The following VPS45 variants were observed in gnomAD, a reference collection of about 807,000 sequenced individuals.
VPS45 encodes the protein vacuolar protein sorting-associated protein 45.
In VPS45, 35 loss-of-function variants were observed where a neutral mutation model predicts 75.9. That is an observed-to-expected ratio of 0.46 (90% CI 0.35 to 0.61). The LOEUF (loss-of-function observed/expected upper bound fraction) is 0.61, where lower values mean the gene tolerates loss of function less well. Ranked by LOEUF, VPS45 falls within the 20% of genes least tolerant of loss-of-function variation. VPS45 has a pLI of 0.00. For synonymous variants in VPS45, 220 were observed against 238.2 expected (o/e 0.92, Z 0.70); for missense variants, 559 against 685.9 (o/e 0.81, Z 2.07).
rs184466683 is a variant in VPS45 at position 150,073,211 on chromosome 1, T to C, written c.289+985T>C. 1.1e-4 allele frequency among the ~76,000 whole-genome samples: 16 copies of C among 152,302 alleles called. No individual in the cohort carries two copies. In the East Asian group the frequency reaches 2.5e-3, roughly 24 times the overall value. On this transcript the variant is annotated intron_variant, in intron 3 of 14. Coordinates refer to ENST00000644510, the MANE Select transcript of VPS45 (RefSeq NM_007259.5). ...GTTAATAGTGTTAGTGTAGTCTATT[T>C]GGTAACATTTCCAAAACCAAGGACT...
chr1:150,113,772 T>A (rs1209539252), intron 14 of VPS45, among the ~76,000 whole-genome samples: 5 of 151,928 alleles, frequency 3.3e-5, no homozygotes, highest in African/African-American at 1.2e-4. Flanking sequence ...GGCAGGCGCC[T>A]GTAGTCCCAG....
intron 1 of VPS45, chr1:150,068,393 G>A: frequency 4.8e-6 from 2 of 412,624 alleles, no homozygotes; most frequent in Non-Finnish European, 8.5e-6. Flanking sequence ...CTTATGGATT[G>A]TTCCTGTTCA....
intron 3 of VPS45, among the ~76,000 whole-genome samples, chr1:150,073,785 A>G (rs1401378045): frequency 6.6e-6 from 1 of 152,098 alleles, no homozygotes; most frequent in Non-Finnish European, 1.5e-5. Context: ...CAACATTTTC[A>G]TCTCTATAAG....
intron 9 of VPS45, 122 bp from the exon 10 acceptor site, chr1:150,082,594 A>G: frequency 8.2e-7 from 1 of 1,215,088 alleles, no homozygotes; most frequent in Middle Eastern, 2.0e-4. Flanking sequence ...TGTGGCTGAA[A>G]GTTGTAGATG....
rs1553798326 is a variant in VPS45, at chr1:150,077,235, T to C, written c.576+4T>C. 2 of 1,605,964 alleles carry C rather than the reference T, an allele frequency of 1.2e-6. No homozygotes were observed. Among genetic ancestry groups the C allele is most frequent in the Admixed American group, 1.7e-5 (1 of 57,690 alleles). ...GAGACTTGCAGAGTGCGTTAAGGTATGGCATTACCTATTCCTGGTTCCAAA... is the reference window on the plus strand; with the variant it reads ...GAGACTTGCAGAGTGCGTTAAGGTACGGCATTACCTATTCCTGGTTCCAAA... On this transcript the variant is annotated splice_donor_region_variant and intron_variant, in intron 6 of 14. Transcript: ENST00000644510.
rs782736603 is a variant in VPS45, at chr1:150,093,523, T to G, written c.1372-4T>G. On this transcript the variant is annotated splice_polypyrimidine_tract_variant and splice_region_variant and intron_variant, in intron 12 of 14. Coordinates refer to ENST00000644510, the MANE Select transcript of VPS45 (RefSeq NM_007259.5). ...GACATAAGAACCATTTTCCCCTGTT[T>G]TAGGGAGTAGAAAATGTATATACAC... 6.2e-7 allele frequency: 1 copy of G among 1,611,424 alleles called. No homozygotes were observed. The highest frequency in any genetic ancestry group is 8.5e-7 in the Non-Finnish European group (1 of 1,178,982).
At chr1:150,078,966 C>T (rs1404393992) in intron 7 of VPS45, among the ~76,000 whole-genome samples, 2 of 151,730 alleles carry the variant, frequency 1.3e-5, no homozygotes, top group Non-Finnish European at 2.9e-5. Flanking sequence ...AAAAAATTAG[C>T]TGGACGTGGT....
intron 2 of VPS45, 142 bp from the exon 3 acceptor site, chr1:150,072,024 T>C: frequency 2.2e-6 from 1 of 455,948 alleles, no homozygotes; most frequent in Non-Finnish European, 3.9e-6. Flanking sequence ...CTCCAGCCCT[T>C]ACCCACCAAC....
chr1:150,077,319 C>T, intron 6 of VPS45, 88 bp downstream of exon 6: 1 of 1,481,660 alleles, frequency 6.7e-7, no homozygotes, highest in African/African-American at 1.4e-5. Flanking sequence ...AGTTTATTTA[C>T]AACCAAGGAG....
At chr1:150,074,007 GT>G (rs1215651378) in intron 3 of VPS45, among the ~76,000 whole-genome samples, 147,631 of 148,494 alleles carry the variant, frequency 0.99, 73,387 homozygotes, top group Non-Finnish European at 1. Context: ...GTGTGTGTGT[GT>G]TGTTTTTGTT....
chr1:150,142,267 A>G (rs1196248014), intron 14 of VPS45, among the ~76,000 whole-genome samples: 2 of 152,186 alleles, frequency 1.3e-5, no homozygotes, highest in Admixed American at 1.3e-4. Context: ...TAAAATTCCT[A>G]TAGGGCTTCC....
chr1:150,113,668 G>C (rs1190328363), intron 14 of VPS45, among the ~76,000 whole-genome samples: 2 of 152,162 alleles, frequency 1.3e-5, no homozygotes, highest in East Asian at 3.8e-4. Flanking sequence ...GGCCAAGGTG[G>C]GTAGATCATT....
rs1654813865 is a variant in VPS45 at position 150,067,884 on chromosome 1, G to C, written c.27G>C (p.Gln9His). 9 of 1,614,202 alleles carry C rather than the reference G, an allele frequency of 5.6e-6. No homozygotes were observed. The highest frequency in any genetic ancestry group is 7.6e-6 in the Non-Finnish European group (9 of 1,180,020). ...TGAACGTGGTTTTTGCTGTGAAGCA[G>C]TACATTTCCAAAATGATAGAGGACA... MNVVFAVK[Q>H]YISKMIEDSG... The change falls in exon 1 of 15, where the codon CAG (glutamine) becomes CAC (histidine). Residue 9 changes from glutamine (Q) to histidine (H), a missense_variant. Transcript: ENST00000644510.
Position 150,092,025 on chromosome 1 carries a change from A to G in VPS45, c.1193A>G (p.His398Arg). ...VMLYALHYERHSSNSLPGLMM... is the reference protein window; with the variant it reads ...VMLYALHYERRSSNSLPGLMM... ...CTTTATGCTTTACATTATGAGCGACACAGCAGCAATAGCCTGCCAGGACTA... is the reference window on the plus strand; with the variant it reads ...CTTTATGCTTTACATTATGAGCGACGCAGCAGCAATAGCCTGCCAGGACTA... The change falls in exon 11 of 15, where the codon CAC becomes CGC. Residue 398 changes from histidine (H) to arginine (R), a missense_variant. Coordinates refer to ENST00000644510, the MANE Select transcript of VPS45 (RefSeq NM_007259.5). The G allele has an allele frequency of 6.2e-7, 1 of 1,614,200 alleles. No homozygotes were observed. The highest frequency in any genetic ancestry group is 8.5e-7 in the Non-Finnish European group (1 of 1,180,024).
intron 14 of VPS45, among the ~76,000 whole-genome samples, chr1:150,115,131 C>T (rs1657863140): frequency 6.6e-6 from 1 of 152,092 alleles, no homozygotes; most frequent in Non-Finnish European, 1.5e-5. Flanking sequence ...GCTTCTCTTT[C>T]ATCTCCTGTT....
rs587612844 is a variant in VPS45, at chr1:150,135,680, C to T, written c.1626-9029C>T. Among the ~76,000 whole-genome samples the T allele has an allele frequency of 3.9e-5, 6 of 152,112 alleles. No homozygotes were observed. The East Asian group carries it at 7.8e-4, about 20-fold the overall frequency. On this transcript the variant is annotated intron_variant, in intron 14 of 14. Transcript: ENST00000644510. Reference sequence around the variant, plus strand: ...TCATTTGCTTCTTTTTGTCCTCTGTCGCCCAGGCTAGAGTGCAGTGGTGTG... The same window carrying T: ...TCATTTGCTTCTTTTTGTCCTCTGTTGCCCAGGCTAGAGTGCAGTGGTGTG...
At position 150,078,255 on chromosome 1, in the gene VPS45, C is replaced by T. The variant is rs1655506903; in HGVS notation, c.687+476C>T. Among the ~76,000 whole-genome samples, 3 of 152,166 alleles carry T rather than the reference C, an allele frequency of 2.0e-5. 1 individual carries two copies. In the South Asian group the frequency reaches 6.2e-4, roughly 32 times the overall value. ...AAAAACTTCATTGGTTCCCATTTGC[C>T]TACTAGGTTAAAAAGAAACTCCTGA... is the stretch of plus-strand genomic sequence containing the variant. On this transcript the variant is annotated intron_variant, in intron 7 of 14. Transcript: ENST00000644510.
chr1:150,085,383 T>C (rs1033256120), intron 10 of VPS45, among the ~76,000 whole-genome samples: 2 of 152,152 alleles, frequency 1.3e-5, no homozygotes, highest in African/African-American at 4.8e-5. Flanking sequence ...TGAAACTTTA[T>C]TTTTGTGTTC....
At chr1:150,102,711 T>C (rs1257594784) in intron 13 of VPS45, among the ~76,000 whole-genome samples, 1 of 152,198 alleles carries the variant, frequency 6.6e-6, no homozygotes. Flanking sequence ...AGATTATGCC[T>C]TTTGTGGGAA....
Sources: gnomAD v4.1 joint callset for allele counts (sites outside exome capture counted in the v4.1 genomes callset) on GRCh38, gnomAD v4.1.1 for gene constraint, MANE v1.5 for transcripts, NCBI Gene and HGNC (gene_info 2026-07-23, HGNC 2026-07-21) for gene names.